SPAG16: variants seen among roughly 807,000 people sequenced by gnomAD.
SPAG16 encodes sperm associated antigen 16.
SPAG16 carries 86 observed loss-of-function variants against 80.4 expected under a neutral mutation model. The ratio of observed to expected loss-of-function variants is 1.07; its 90% confidence interval spans 0.90 to 1.28. SPAG16 has a LOEUF of 1.28. Ranked by LOEUF, SPAG16 falls within the 50% of genes most tolerant of loss-of-function variation. The probability of loss-of-function intolerance (pLI) is 0.00; values close to 1 mark genes in which losing one functional copy is unlikely to be tolerated. For synonymous variants in SPAG16, 294 were observed against 265.9 expected (o/e 1.11, Z -1.03); for missense variants, 870 against 765.3 (o/e 1.14, Z -1.61).
At chr2:213,424,527 G>A (rs139018954) in intron 9 of SPAG16, among the ~76,000 whole-genome samples, 2 of 152,026 alleles carry the variant, frequency 1.3e-5, no homozygotes, top group African/African-American at 4.8e-5. Flanking sequence ...ATTTACTGGA[G>A]TTATCTTTTT....
intron 7 of SPAG16, among the ~76,000 whole-genome samples, chr2:213,359,480 G>T (rs1242509602): frequency 6.6e-6 from 1 of 152,180 alleles, no homozygotes; most frequent in Non-Finnish European, 1.5e-5. Context: ...CCTCAGCAAT[G>T]GCAGACGCCC....
intron 9 of SPAG16, among the ~76,000 whole-genome samples, chr2:213,427,061 A>G (rs1351367389): frequency 6.6e-6 from 1 of 152,118 alleles, no homozygotes; most frequent in Non-Finnish European, 1.5e-5. Flanking sequence ...ATTAAAGTAT[A>G]AAAATAAATA....
intron 15 of SPAG16, among the ~76,000 whole-genome samples, chr2:214,307,643 A>ATTAT (rs553330089): frequency 5.6e-4 from 85 of 152,232 alleles, no homozygotes; most frequent in Admixed American, 4.4e-3. Flanking sequence ...TCTTAATTTC[A>ATTAT]TTATTTACCC....
At chr2:213,926,065 C>T (rs1244367841) in intron 11 of SPAG16, among the ~76,000 whole-genome samples, 1 of 152,074 alleles carries the variant, frequency 6.6e-6, no homozygotes, top group Non-Finnish European at 1.5e-5. Flanking sequence ...ACATTCTCAA[C>T]CCTTAATTCT....
chr2:214,069,220 G>T (rs73987148), intron 13 of SPAG16, among the ~76,000 whole-genome samples: 1 of 152,092 alleles, frequency 6.6e-6, no homozygotes, highest in Non-Finnish European at 1.5e-5. Context: ...ATTCCGATAC[G>T]TGTATATTGT....
intron 15 of SPAG16, among the ~76,000 whole-genome samples, chr2:214,296,281 T>C (rs1295219215): frequency 2.0e-5 from 3 of 152,248 alleles, no homozygotes; most frequent in Non-Finnish European, 4.4e-5. Context: ...ATATGTTTAA[T>C]CCTATCATCC....
intron 14 of SPAG16, among the ~76,000 whole-genome samples, chr2:214,110,960 G>T (rs1398122688): frequency 6.6e-6 from 1 of 151,970 alleles, no homozygotes; most frequent in Non-Finnish European, 1.5e-5. Flanking sequence ...CATGTCCTTT[G>T]CCCACTTTTT....
intron 9 of SPAG16, among the ~76,000 whole-genome samples, chr2:213,377,502 TA>T (rs1312060456): frequency 1.3e-5 from 2 of 152,200 alleles, no homozygotes; most frequent in African/African-American, 4.8e-5. Context: ...CAGCTTTATG[TA>T]ACACAAATGC....
At chr2:213,912,328 C>T (rs1231479673) in intron 11 of SPAG16, among the ~76,000 whole-genome samples, 1 of 151,910 alleles carries the variant, frequency 6.6e-6, no homozygotes, top group East Asian at 1.9e-4. Context: ...CTAAATGGTG[C>T]TTTTTCTTGT....
intron 10 of SPAG16, among the ~76,000 whole-genome samples, chr2:213,656,917 G>A (rs766415790): frequency 2.2e-4 from 33 of 152,154 alleles, no homozygotes; most frequent in Non-Finnish European, 4.0e-4. Context: ...ATAAGTGGCA[G>A]CTACAGTTTA....
intron 10 of SPAG16, among the ~76,000 whole-genome samples, chr2:213,675,773 G>A (rs1474801150): frequency 6.6e-6 from 1 of 151,958 alleles, no homozygotes; most frequent in Non-Finnish European, 1.5e-5. Flanking sequence ...GTACCATGCT[G>A]TTTTGGTTAC....
intron 15 of SPAG16, among the ~76,000 whole-genome samples, chr2:214,312,027 T>C (rs1487375964): frequency 6.6e-6 from 1 of 152,108 alleles, no homozygotes; most frequent in South Asian, 2.1e-4. Context: ...AAATGAAAAA[T>C]TGTAAATTTA....
At chr2:213,864,897 A>G (rs1471343260) in intron 11 of SPAG16, among the ~76,000 whole-genome samples, 1 of 152,102 alleles carries the variant, frequency 6.6e-6, no homozygotes. Context: ...ACATAGTAAT[A>G]CTCATATCAG....
At chr2:214,317,344 T>A (rs1695764839) in intron 15 of SPAG16, among the ~76,000 whole-genome samples, 1 of 152,196 alleles carries the variant, frequency 6.6e-6, no homozygotes. Flanking sequence ...AAAAATAATT[T>A]GAGCACATAC....
At chr2:213,374,540 T>C (rs546144752) in intron 8 of SPAG16, among the ~76,000 whole-genome samples, 1 of 152,210 alleles carries the variant, frequency 6.6e-6, no homozygotes, top group Admixed American at 6.5e-5. Flanking sequence ...AGACCAATGT[T>C]ACAACTATTT....
intron 8 of SPAG16, among the ~76,000 whole-genome samples, chr2:213,371,525 G>A (rs2066636258): frequency 2.0e-5 from 3 of 150,162 alleles, no homozygotes; most frequent in Admixed American, 1.3e-4. Context: ...TTTAAGTTTA[G>A]TTTTAAAAAT....
chr2:214,117,651 T>C (rs750005021), intron 14 of SPAG16, among the ~76,000 whole-genome samples: 1 of 152,160 alleles, frequency 6.6e-6, no homozygotes, highest in Non-Finnish European at 1.5e-5. Context: ...GAAAAGATCA[T>C]TCAGCATCAT....
intron 10 of SPAG16, among the ~76,000 whole-genome samples, chr2:213,514,042 C>T (rs923092377): frequency 2.6e-5 from 4 of 152,026 alleles, no homozygotes; most frequent in African/African-American, 9.7e-5. Context: ...GTTAATCTAT[C>T]GTGAGTATGA....
At chr2:213,456,982 C>G (rs919987685) in intron 9 of SPAG16, among the ~76,000 whole-genome samples, 1 of 151,112 alleles carries the variant, frequency 6.6e-6, no homozygotes, top group African/African-American at 2.4e-5. Context: ...GTTATGTGTC[C>G]TTCATTTTTT....
Sources: gnomAD v4.1 joint callset for allele counts (sites outside exome capture counted in the v4.1 genomes callset) on GRCh38, gnomAD v4.1.1 for gene constraint, MANE v1.5 for transcripts, NCBI Gene and HGNC (gene_info 2026-07-23, HGNC 2026-07-21) for gene names.